UST: variants seen among roughly 807,000 people sequenced by gnomAD.
UST encodes the protein chondroitin sulfate 2-O-sulfotransferase.
A neutral mutation model predicts 45.6 loss-of-function variants in UST; 21 were observed. That is an observed-to-expected ratio of 0.46 (90% CI 0.33 to 0.66). The LOEUF (loss-of-function observed/expected upper bound fraction) is 0.66, where lower values mean the gene tolerates loss of function less well. Among genes scored for constraint, UST ranks in the 30% least tolerant of loss-of-function variants. The pLI, the probability that UST is intolerant of heterozygous loss-of-function variation, is 0.02. For missense variants in UST, 463 were observed against 512.4 expected, an observed-to-expected ratio of 0.90 and a Z score of 0.93; for synonymous variants, 215 against 200.6, an observed-to-expected ratio of 1.07 and a Z score of -0.61.
intron 2 of UST, among the ~76,000 whole-genome samples, chr6:148,926,410 T>C (rs1413263407): frequency 3.3e-5 from 5 of 152,220 alleles, no homozygotes; most frequent in African/African-American, 1.2e-4. Flanking sequence ...CCCACACAAG[T>C]GGAGAGCCCT....
At chr6:148,811,591 C>A (rs1288926768) in intron 1 of UST, among the ~76,000 whole-genome samples, 1 of 152,166 alleles carries the variant, frequency 6.6e-6, no homozygotes, top group African/African-American at 2.4e-5. Flanking sequence ...GTGGTTTAGG[C>A]ATTTGGGAAG....
At chr6:148,795,753 A>G (rs148892388) in intron 1 of UST, among the ~76,000 whole-genome samples, 10 of 152,304 alleles carry the variant, frequency 6.6e-5, no homozygotes, top group Non-Finnish European at 1.5e-4. Flanking sequence ...CTACAAAACC[A>G]TGACACAGAC....
intron 1 of UST, among the ~76,000 whole-genome samples, chr6:148,759,581 G>A (rs1280106517): frequency 6.6e-6 from 1 of 150,910 alleles, no homozygotes; most frequent in African/African-American, 2.4e-5. Context: ...GTACGCGGTG[G>A]TTCACGCCTG....
intron 4 of UST, among the ~76,000 whole-genome samples, chr6:148,959,695 T>C (rs1025975628): frequency 5.3e-5 from 8 of 152,202 alleles, no homozygotes; most frequent in Non-Finnish European, 1.0e-4. Context: ...TTCATCTTCC[T>C]CTGTGAGTGG....
chr6:148,791,260 C>T (rs541758269), intron 1 of UST, among the ~76,000 whole-genome samples: 5 of 152,214 alleles, frequency 3.3e-5, no homozygotes, highest in Middle Eastern at 3.4e-3. Flanking sequence ...CCCCAAATGT[C>T]AGGAGTGCTG....
In UST at chr6:148,818,338, G is replaced by A. The variant is rs193218124; in HGVS notation, c.248-68648G>A. ...TCGTGCTAGATTGGACCCTCGATGTGTACACACGACTTGTTCTAATATCAC... is the reference window on the plus strand; with the variant it reads ...TCGTGCTAGATTGGACCCTCGATGTATACACACGACTTGTTCTAATATCAC... On this transcript the variant is annotated intron_variant, in intron 1 of 7. Coordinates refer to ENST00000367463, the MANE Select transcript of UST (RefSeq NM_005715.3). Among the ~76,000 whole-genome samples the A allele has an allele frequency of 5.1e-4, 77 of 152,288 alleles. 1 individual carries two copies. Among genetic ancestry groups the A allele is most frequent in the Admixed American group, 2.3e-3 (35 of 15,298 alleles).
At chr6:148,985,365 A>G (rs190198346) in intron 5 of UST, among the ~76,000 whole-genome samples, 69 of 150,678 alleles carry the variant, frequency 4.6e-4, no homozygotes, top group African/African-American at 1.5e-3. Flanking sequence ...ATTTTTTAGC[A>G]CCAACTGAGG....
intron 1 of UST, among the ~76,000 whole-genome samples, chr6:148,793,277 TA>T (rs11317825): frequency 0.3 from 45,257 of 149,968 alleles, 7,841 homozygotes; most frequent in East Asian, 0.71. Flanking sequence ...TTGTAATATG[TA>T]AAAAAAAAAG....
chr6:149,015,931 A>T (rs1159830919), intron 5 of UST, among the ~76,000 whole-genome samples: 1 of 152,158 alleles, frequency 6.6e-6, no homozygotes, highest in Non-Finnish European at 1.5e-5. Flanking sequence ...CTAAGAGTGG[A>T]CTGGGTAGGA....
intron 1 of UST, among the ~76,000 whole-genome samples, chr6:148,765,105 A>C (rs1303031117): frequency 6.6e-6 from 1 of 152,162 alleles, no homozygotes; most frequent in South Asian, 2.1e-4. Flanking sequence ...AGGCAGCCAG[A>C]CTTTAAGGTT....
intron 5 of UST, among the ~76,000 whole-genome samples, chr6:148,975,847 C>T (rs1469782614): frequency 6.6e-6 from 1 of 152,176 alleles, no homozygotes. Flanking sequence ...TGTGAGTTGT[C>T]TATCCTGTGG....
intron 2 of UST, among the ~76,000 whole-genome samples, chr6:148,929,918 T>C (rs776045641): frequency 3.3e-5 from 5 of 152,172 alleles, no homozygotes; most frequent in Non-Finnish European, 7.3e-5. Context: ...ACACACACGA[T>C]GTGAAAAATG....
intron 1 of UST, among the ~76,000 whole-genome samples, chr6:148,822,633 G>C (rs977587616): frequency 1.3e-5 from 2 of 152,190 alleles, no homozygotes; most frequent in African/African-American, 4.8e-5. Context: ...CAGTAGCCAT[G>C]AGGTATGAAA....
At chr6:149,019,034 G>A in intron 5 of UST, 105 bp from the exon 6 acceptor site, 1 of 891,706 alleles carries the variant, frequency 1.1e-6, no homozygotes, top group Non-Finnish European at 1.8e-6. Context: ...ATCTTCTCAA[G>A]GCGTGCCTGT....
chr6:148,767,204 A>G (rs889881680), intron 1 of UST, among the ~76,000 whole-genome samples: 1 of 152,374 alleles, frequency 6.6e-6, no homozygotes, highest in Admixed American at 6.5e-5. Context: ...AGCTTAGCTC[A>G]TTAAAGATCT....
At chr6:148,974,272 C>T (rs2114971746) in intron 5 of UST, among the ~76,000 whole-genome samples, 1 of 151,808 alleles carries the variant, frequency 6.6e-6, no homozygotes, top group South Asian at 2.1e-4. Context: ...TTATAGATGC[C>T]TAATCTCCTG....
intron 7 of UST, among the ~76,000 whole-genome samples, chr6:149,025,692 G>A (rs1356085191): frequency 6.6e-6 from 1 of 152,078 alleles, no homozygotes; most frequent in Non-Finnish European, 1.5e-5. Flanking sequence ...TATTATGTTT[G>A]TTTATTACTT....
chr6:148,888,904 A>C (rs1778960297), intron 2 of UST, among the ~76,000 whole-genome samples: 1 of 152,226 alleles, frequency 6.6e-6, no homozygotes, highest in Admixed American at 6.5e-5. Flanking sequence ...GACCGTGTCT[A>C]ACTCGTCTCA....
intron 5 of UST, among the ~76,000 whole-genome samples, chr6:148,986,765 T>C (rs940572192): frequency 6.6e-6 from 1 of 152,200 alleles, no homozygotes. Flanking sequence ...GTGGAGAGCT[T>C]GCCATGCCCT....
Sources: gnomAD v4.1 joint callset for allele counts (sites outside exome capture counted in the v4.1 genomes callset) on GRCh38, gnomAD v4.1.1 for gene constraint, MANE v1.5 for transcripts, NCBI Gene and HGNC (gene_info 2026-07-23, HGNC 2026-07-21) for gene names.